The following WDFY1 variants were observed in gnomAD, a reference collection of about 807,000 sequenced individuals.
The protein encoded by WDFY1 is WD repeat and FYVE domain-containing protein 1.
Under a neutral mutation model 56.4 loss-of-function variants are expected in WDFY1, and 32 were observed. The ratio of observed to expected loss-of-function variants is 0.57; its 90% CI spans 0.43 to 0.76. WDFY1 has a LOEUF of 0.76. Among genes scored for constraint, WDFY1 ranks in the 30% least tolerant of loss-of-function variants. The probability of loss-of-function intolerance (pLI) is 0.00; values close to 1 mark genes in which losing one functional copy is unlikely to be tolerated. For missense variants in WDFY1, 480 were observed against 545.7 expected (o/e 0.88, Z 1.20); for synonymous variants, 192 against 197.3 (o/e 0.97, Z 0.23).
In WDFY1 at chr2:223,897,373, TATATATATATATA is replaced by T. The variant is rs1452010034; in HGVS notation, c.598+1572_598+1584del. 2.6e-4 allele frequency among the ~76,000 whole-genome samples: 10 copies of T among 37,830 alleles called. 1 individual carries two copies. Among genetic ancestry groups the T allele is most frequent in the African/African-American group, 6.9e-4 (9 of 13,022 alleles). The allele number at this position is 37,830 out of a possible 152,430, so 24.8% of individuals were successfully genotyped here. ...TCGCATATATATATATATATATATA[TATATATATATATA>T]TATATTTTTTAAGACGGAGTCTCTC... On this transcript the variant is annotated intron_variant, in intron 6 of 11. Transcript: ENST00000233055.
chr2:223,899,200 C>G, intron 5 of WDFY1, 130 bp from the exon 6 acceptor site: 1 of 628,138 alleles, frequency 1.6e-6, no homozygotes, highest in Non-Finnish European at 2.8e-6. Flanking sequence ...TAAGCATACA[C>G]GTAAAACTAT....
At chr2:223,902,340 ATTGT>A (rs1693519941) in intron 4 of WDFY1, among the ~76,000 whole-genome samples, 1 of 152,180 alleles carries the variant, frequency 6.6e-6, no homozygotes, top group African/African-American at 2.4e-5. Context: ...AGGCAGGAGG[ATTGT>A]TTGAGGCCAG....
chr2:223,896,940 T>C (rs574440811), intron 6 of WDFY1, among the ~76,000 whole-genome samples: 1 of 152,214 alleles, frequency 6.6e-6, no homozygotes, highest in South Asian at 2.1e-4. Flanking sequence ...TTAGCAACCC[T>C]GAAAAAACTG....
At chr2:223,926,718 A>C (rs1191159925) in intron 1 of WDFY1, among the ~76,000 whole-genome samples, 7 of 151,890 alleles carry the variant, frequency 4.6e-5, no homozygotes, top group African/African-American at 1.7e-4. Context: ...CCCAGGCTGG[A>C]GTGCAGTGGC....
intron 1 of WDFY1, among the ~76,000 whole-genome samples, chr2:223,933,181 C>A (rs1694109644): frequency 6.6e-6 from 1 of 151,986 alleles, no homozygotes; most frequent in Non-Finnish European, 1.5e-5. Context: ...AATTTCCATC[C>A]CCTCCCACAG....
chr2:223,897,348 T>TCG (rs1187296299), intron 6 of WDFY1, among the ~76,000 whole-genome samples: 4 of 127,154 alleles, frequency 3.1e-5, no homozygotes, highest in Admixed American at 8.9e-5. Flanking sequence ...CCTCTAAATT[T>TCG]CGCATATATA....
At chr2:223,884,862 T>TTCTC in intron 8 of WDFY1, 113 bp from the exon 9 acceptor site, 1 of 273,658 alleles carries the variant, frequency 3.7e-6, no homozygotes, top group Non-Finnish European at 5.8e-6. Flanking sequence ...TTTTCTTCTT[T>TTCTC]TTTTTTTTTT....
intron 5 of WDFY1, chr2:223,899,309 C>T (rs116169666): frequency 1.3e-4 from 54 of 425,684 alleles, no homozygotes; most frequent in Middle Eastern, 1.4e-3. Flanking sequence ...TATATTCATT[C>T]ATTCAACAGG....
In WDFY1 at chr2:223,926,800, T is replaced by A. The variant is rs188414866; in HGVS notation, c.138-8790A>T. ...CTCATGCTTCAGCCTCCTGAGCAGC[T>A]GGACTTACAGATGTGCAAAACTGTG... On this transcript the variant is annotated intron_variant, in intron 1 of 11. Coordinates refer to ENST00000233055, the MANE Select transcript of WDFY1 (RefSeq NM_020830.5). Among the ~76,000 whole-genome samples, 19 of 152,290 alleles carry A rather than the reference T, an allele frequency of 1.2e-4. 1 individual carries two copies. Among genetic ancestry groups the A allele is most frequent in the African/African-American group, 4.6e-4 (19 of 41,552 alleles).
At chr2:223,945,029 G>T in intron 1 of WDFY1, 119 bp downstream of exon 1, 1 of 1,202,512 alleles carries the variant, frequency 8.3e-7, no homozygotes, top group Non-Finnish European at 1.1e-6. Context: ...CAGAGTGGGG[G>T]TGGGGCCGTG....
At chr2:223,914,365 C>T (rs1693753794) in intron 2 of WDFY1, among the ~76,000 whole-genome samples, 1 of 152,152 alleles carries the variant, frequency 6.6e-6, no homozygotes, top group Admixed American at 6.5e-5. Flanking sequence ...TGGATCACAC[C>T]AGAAGGCCAA....
intron 1 of WDFY1, among the ~76,000 whole-genome samples, chr2:223,918,403 C>T (rs868742761): frequency 8.3e-4 from 126 of 152,052 alleles, no homozygotes; most frequent in Non-Finnish European, 3.2e-4. Flanking sequence ...CCGAGGCAGG[C>T]GGATCACGAG....
intron 2 of WDFY1, among the ~76,000 whole-genome samples, chr2:223,916,625 G>A (rs1163508917): frequency 1.3e-5 from 2 of 152,182 alleles, no homozygotes; most frequent in African/African-American, 2.4e-5. Flanking sequence ...GAGGCCTCCT[G>A]TCTGGCTACT....
chr2:223,941,113 C>T (rs1689296425), intron 1 of WDFY1, among the ~76,000 whole-genome samples: 1 of 152,060 alleles, frequency 6.6e-6, no homozygotes, highest in Non-Finnish European at 1.5e-5. Context: ...TGAGCCACTG[C>T]ACCCAGCCAA....
intron 7 of WDFY1, among the ~76,000 whole-genome samples, chr2:223,894,767 C>T (rs1411319073): frequency 6.6e-6 from 1 of 152,150 alleles, no homozygotes; most frequent in Non-Finnish European, 1.5e-5. Flanking sequence ...CAAACACACA[C>T]AGACACACAC....
At chr2:223,918,162 T>A in intron 1 of WDFY1, 152 bp from the exon 2 acceptor site, 2 of 655,424 alleles carry the variant, frequency 3.1e-6, no homozygotes, top group Non-Finnish European at 5.2e-6. Context: ...TATACATACA[T>A]GTACACATAC....
chr2:223,904,326 C>T (rs112671970), intron 4 of WDFY1, among the ~76,000 whole-genome samples: 1 of 152,228 alleles, frequency 6.6e-6, no homozygotes, highest in African/African-American at 2.4e-5. Context: ...ATTTTGGTTC[C>T]CTGCAACCTC....
chr2:223,889,185 T>C (rs1693226310), intron 8 of WDFY1, among the ~76,000 whole-genome samples: 1 of 152,186 alleles, frequency 6.6e-6, no homozygotes, highest in Admixed American at 6.5e-5. Flanking sequence ...ATTACAGGCA[T>C]GAATCACGGT....
intron 2 of WDFY1, among the ~76,000 whole-genome samples, chr2:223,917,621 T>G (rs981591504): frequency 6.6e-6 from 1 of 152,182 alleles, no homozygotes; most frequent in Non-Finnish European, 1.5e-5. Flanking sequence ...TCGCCCAGGC[T>G]GGAGTGCGGT....
Sources: gnomAD v4.1 joint callset for allele counts (sites outside exome capture counted in the v4.1 genomes callset) on GRCh38, gnomAD v4.1.1 for gene constraint, MANE v1.5 for transcripts, NCBI Gene and HGNC (gene_info 2026-07-23, HGNC 2026-07-21) for gene names.